The following ZSWIM5 variants were observed in gnomAD, a reference collection of about 807,000 sequenced individuals.
ZSWIM5 encodes zinc finger SWIM-type containing 5, also known as zinc finger SWIM domain-containing protein 5.
ZSWIM5 carries 55 observed loss-of-function variants against 119.6 expected under a neutral mutation model. The observed-to-expected ratio is 0.46, with a 90% CI of 0.37 to 0.58. The LOEUF (loss-of-function observed/expected upper bound fraction) is 0.58, where lower values mean the gene tolerates loss of function less well. Ranked by LOEUF, ZSWIM5 falls within the 20% of genes least tolerant of loss-of-function variation. ZSWIM5 has a pLI of 0.00. For missense variants in ZSWIM5, 1,193 were observed against 1,512.8 expected (o/e 0.79, Z 3.51); for synonymous variants, 537 against 606.9 (o/e 0.88, Z 1.69).
Position 45,043,354 on chromosome 1 carries a change from T to C in ZSWIM5, c.1474A>G (p.Ile492Val). ...TGCCAATGTAATTCACGCCCCTCAATGGCTCTAGTGAATACTGTTCGTCTT... is the reference window on the plus strand; with the variant it reads ...TGCCAATGTAATTCACGCCCCTCAACGGCTCTAGTGAATACTGTTCGTCTT... ...RPRRTVFTRAIEGRELHWQDS... is the reference protein window; with the variant it reads ...RPRRTVFTRAVEGRELHWQDS... Residue 492 changes from isoleucine (I) to valine (V), a missense_variant, in exon 6 of 14, where the codon ATT becomes GTT. This residue lies in a region of ZSWIM5 where 961 missense variants were observed against 1,290.0 expected (regional missense o/e 0.74). Transcript: ENST00000359600. 1 of 1,614,248 alleles carries C rather than the reference T, an allele frequency of 6.2e-7. No individual in the cohort carries two copies. The highest frequency in any genetic ancestry group is 8.5e-7 in the Non-Finnish European group (1 of 1,180,038).
intron 1 of ZSWIM5, among the ~76,000 whole-genome samples, chr1:45,188,773 C>A (rs1646074221): frequency 6.6e-6 from 1 of 152,164 alleles, no homozygotes; most frequent in Non-Finnish European, 1.5e-5. Context: ...AACAAAAACC[C>A]TAGCAAGGCT....
chr1:45,115,795 C>T (rs1645553447), intron 1 of ZSWIM5, among the ~76,000 whole-genome samples: 1 of 151,102 alleles, frequency 6.6e-6, no homozygotes, highest in Non-Finnish European at 1.5e-5. Context: ...AGGGGCTCCT[C>T]ACATCCCAGA....
At chr1:45,179,731 T>C (rs1016962157) in intron 1 of ZSWIM5, among the ~76,000 whole-genome samples, 1 of 152,164 alleles carries the variant, frequency 6.6e-6, no homozygotes, top group Non-Finnish European at 1.5e-5. Flanking sequence ...AACAGAATAA[T>C]GCCCCTCACC....
At chr1:45,053,009 G>A (rs1032641452) in intron 4 of ZSWIM5, among the ~76,000 whole-genome samples, 1 of 151,654 alleles carries the variant, frequency 6.6e-6, no homozygotes, top group Non-Finnish European at 1.5e-5. Context: ...TGTAATCCCA[G>A]CTACTTGGGA....
chr1:45,033,142 C>T (rs761417528), intron 11 of ZSWIM5, among the ~76,000 whole-genome samples: 14 of 152,060 alleles, frequency 9.2e-5, no homozygotes, highest in Non-Finnish European at 1.5e-4. Flanking sequence ...TGTTTTTTGC[C>T]AATAAGATCA....
At chr1:45,056,245 T>C (rs553321704) in intron 4 of ZSWIM5, among the ~76,000 whole-genome samples, 2 of 152,172 alleles carry the variant, frequency 1.3e-5, no homozygotes, top group South Asian at 4.2e-4. Flanking sequence ...GGGTTAATAG[T>C]TGGTGAGGAC....
intron 1 of ZSWIM5, among the ~76,000 whole-genome samples, chr1:45,161,565 C>G (rs1386801489): frequency 6.6e-6 from 1 of 152,126 alleles, no homozygotes; most frequent in Non-Finnish European, 1.5e-5. Context: ...TATGGTCTGT[C>G]AAACTTCTAG....
chr1:45,070,192 T>G, intron 2 of ZSWIM5: 1 of 1,392,046 alleles, frequency 7.2e-7, no homozygotes, highest in Non-Finnish European at 1.0e-6. Context: ...TACTGTCCAT[T>G]TACTTTGTAG....
chr1:45,079,146 T>C (rs1242322630), intron 2 of ZSWIM5, among the ~76,000 whole-genome samples: 1 of 152,038 alleles, frequency 6.6e-6, no homozygotes, highest in Admixed American at 6.6e-5. Flanking sequence ...ATTGAGCACC[T>C]TGTGACCCCC....
chr1:45,051,834 G>T (rs1645090078), intron 4 of ZSWIM5, among the ~76,000 whole-genome samples: 1 of 152,058 alleles, frequency 6.6e-6, no homozygotes, highest in African/African-American at 2.4e-5. Flanking sequence ...CTACTTTGTA[G>T]GGATATTGTG....
chr1:45,193,499 C>T (rs535879993), intron 1 of ZSWIM5, among the ~76,000 whole-genome samples: 113 of 152,150 alleles, frequency 7.4e-4, no homozygotes, highest in Admixed American at 1.0e-3. Flanking sequence ...AGAAGCATTT[C>T]AAGAGAAATG....
chr1:45,116,954 T>C (rs1645562358), intron 1 of ZSWIM5, among the ~76,000 whole-genome samples: 1 of 152,142 alleles, frequency 6.6e-6, no homozygotes, highest in Non-Finnish European at 1.5e-5. Flanking sequence ...GGTAGGCTGT[T>C]TACAATAAGC....
intron 1 of ZSWIM5, among the ~76,000 whole-genome samples, chr1:45,106,987 G>A (rs148611283): frequency 0.011 from 1,729 of 152,272 alleles, 13 homozygotes; most frequent in Non-Finnish European, 0.019. Context: ...TGCAAGATGT[G>A]CTTTGTTAAA....
intron 1 of ZSWIM5, among the ~76,000 whole-genome samples, chr1:45,196,649 C>T (rs1420755730): frequency 6.6e-6 from 1 of 151,730 alleles, no homozygotes; most frequent in Non-Finnish European, 1.5e-5. Context: ...CTCAGCCTCC[C>T]AAAGTGCTGG....
At position 45,088,961 on chromosome 1, in the gene ZSWIM5, C is replaced by A. The variant is rs950723485; in HGVS notation, c.596-724G>T. Among the ~76,000 whole-genome samples the A allele has an allele frequency of 6.6e-6, 1 of 152,030 alleles. No homozygotes were observed. Among genetic ancestry groups the A allele is most frequent in the African/African-American group, 2.4e-5 (1 of 41,384 alleles). On this transcript the variant is annotated intron_variant, in intron 1 of 13. Transcript: ENST00000359600. This position sits in a 1 kb window ranked among gnomAD's most constrained non-coding sequence, Gnocchi z 4.2. ...AATCAATTCTATAATATTAATTATG[C>A]TTTATTATTATTTTTATCTCTGGGG...
chr1:45,048,082 CT>C (rs1187025417), intron 5 of ZSWIM5, among the ~76,000 whole-genome samples: 39,711 of 77,698 alleles, frequency 0.51, 10,906 homozygotes, highest in East Asian at 0.85. Flanking sequence ...TTTCTTTTCT[CT>C]TTTTTTTTTT....
intron 2 of ZSWIM5, among the ~76,000 whole-genome samples, chr1:45,070,613 AT>A (rs1645216125): frequency 6.6e-6 from 1 of 151,918 alleles, no homozygotes; most frequent in Admixed American, 6.5e-5. Flanking sequence ...GATACTAATA[AT>A]TTTTCAAAGT....
chr1:45,110,318 A>G (rs575584328), intron 1 of ZSWIM5, among the ~76,000 whole-genome samples: 35 of 152,352 alleles, frequency 2.3e-4, no homozygotes, highest in Admixed American at 1.8e-3. Context: ...TCTGTGAGTT[A>G]TAAAAATCAA....
At chr1:45,129,897 G>T (rs1645644673) in intron 1 of ZSWIM5, among the ~76,000 whole-genome samples, 1 of 151,938 alleles carries the variant, frequency 6.6e-6, no homozygotes, top group Non-Finnish European at 1.5e-5. Flanking sequence ...ATCCATAAAA[G>T]GAAATTTTTT....
Sources: gnomAD v4.1 joint callset for allele counts (sites outside exome capture counted in the v4.1 genomes callset) on GRCh38, gnomAD v4.1.1 for gene constraint, gnomAD v4.1.1 regional missense constraint, Gnocchi (gnomAD v3.1) non-coding constraint, MANE v1.5 for transcripts, NCBI Gene and HGNC (gene_info 2026-07-23, HGNC 2026-07-21) for gene names.